Variants in NLRP9 observed in about 807,000 individuals in gnomAD.
The protein encoded by NLRP9 is NACHT, LRR and PYD domains-containing protein 9.
NLRP9 carries 88 observed loss-of-function variants against 83.1 expected under a neutral mutation model. The observed-to-expected ratio is 1.06, with a 90% CI of 0.89 to 1.26. The LOEUF is 1.26. Among genes scored for constraint, NLRP9 ranks in the 50% most tolerant of loss-of-function variants. NLRP9 has a pLI of 0.00. For missense variants in NLRP9, 1,308 were observed against 1,179.3 expected (o/e 1.11, Z -1.60); for synonymous variants, 521 against 447.6 (o/e 1.16, Z -2.07).
At chr19:55,717,547 G>T (rs1157243496) in intron 4 of NLRP9, among the ~76,000 whole-genome samples, 1 of 152,142 alleles carries the variant, frequency 6.6e-6, no homozygotes, top group East Asian at 1.9e-4. Flanking sequence ...TAGTGAACAG[G>T]ACAGACCCTG....
chr19:55,714,676 A>G (rs1987938170), intron 6 of NLRP9, among the ~76,000 whole-genome samples: 1 of 152,042 alleles, frequency 6.6e-6, no homozygotes. Context: ...CGGGTCCCTT[A>G]TAGACAACAG....
chr19:55,712,462 CA>C lies in NLRP9; in HGVS notation c.2629del (p.Cys877ValfsTer11), dbSNP rs781777586. 1 of 1,612,858 alleles carries C rather than the reference CA, an allele frequency of 6.2e-7. No individual in the cohort carries two copies. The highest frequency in any genetic ancestry group is 8.5e-7 in the Non-Finnish European group (1 of 1,179,854). The part of the protein sequence containing the change: ...EIGDTGVRQL[C>X]AALQHPHCKL... Reference sequence around the variant, plus strand: ...ACAGTGAGGATGCTGCAAAGCTGCACATAACTGTCTGACACCAGTGTCTCCT... The same window carrying C: ...ACAGTGAGGATGCTGCAAAGCTGCACTAACTGTCTGACACCAGTGTCTCCT... On this transcript the variant is annotated frameshift_variant, in exon 7 of 9. Coordinates refer to ENST00000332836, the MANE Select transcript of NLRP9 (RefSeq NM_176820.4). LOFTEE classifies it high-confidence loss of function.
rs1422725578 is a variant in NLRP9 at position 55,732,381 on chromosome 19, G to A, written c.1450C>T (p.Pro484Ser). Residue 484 changes from proline to serine, a missense_variant, in exon 2 of 9, where the codon CCT becomes TCT. By Grantham distance (74) the Pro-to-Ser change is moderately conservative (BLOSUM62 -1). Coordinates refer to ENST00000332836, the MANE Select transcript of NLRP9 (RefSeq NM_176820.4). Reference protein sequence around the residue: ...TQLVRASVVQPQTLLTQVGIF... With the variant: ...TQLVRASVVQSQTLLTQVGIF... ...CCCACCTGGGTCAAGAGGGTTTGAG[G>A]CTGAACCACACTTGCTCTTACAAGC... is the stretch of plus-strand genomic sequence containing the variant. 1.2e-6 allele frequency: 2 copies of A among 1,614,220 alleles called. No individual in the cohort carries two copies. Among genetic ancestry groups the A allele is most frequent in the Non-Finnish European group, 1.7e-6 (2 of 1,180,038 alleles).
intron 2 of NLRP9, among the ~76,000 whole-genome samples, chr19:55,731,723 CAAAA>C (rs56358571): frequency 3.3e-4 from 36 of 108,844 alleles, no homozygotes; most frequent in Admixed American, 2.6e-3. Context: ...GACTCCGTCT[CAAAA>C]AAAAAAAAAA....
chr19:55,722,808 T>A (rs1470256659), intron 4 of NLRP9, among the ~76,000 whole-genome samples: 1 of 152,044 alleles, frequency 6.6e-6, no homozygotes, highest in Non-Finnish European at 1.5e-5. Context: ...CATGGAATAC[T>A]ATGCAGCCAT....
At chr19:55,730,647 G>A (rs949818629) in intron 2 of NLRP9, among the ~76,000 whole-genome samples, 19 of 152,102 alleles carry the variant, frequency 1.2e-4, no homozygotes, top group Admixed American at 6.6e-5. Flanking sequence ...CTTAGCAAAC[G>A]AATGCAGGGA....
intron 8 of NLRP9, among the ~76,000 whole-genome samples, chr19:55,710,357 A>G (rs1987661588): frequency 6.6e-6 from 1 of 152,056 alleles, no homozygotes; most frequent in African/African-American, 2.4e-5. Flanking sequence ...CCTGCAGGGT[A>G]CAAGGCCTGG....
chr19:55,712,462 C>G lies in NLRP9; in HGVS notation c.2630G>C (p.Cys877Ser), dbSNP rs759562970. ...EIGDTGVRQL[C>S]AALQHPHCKL... Reference sequence around the variant, plus strand: ...ACAGTGAGGATGCTGCAAAGCTGCACATAACTGTCTGACACCAGTGTCTCC... The same window carrying G: ...ACAGTGAGGATGCTGCAAAGCTGCAGATAACTGTCTGACACCAGTGTCTCC... Residue 877 changes from cysteine to serine, a missense_variant, in exon 7 of 9, where the codon TGT becomes TCT. Transcript: ENST00000332836. 1.2e-6 allele frequency: 2 copies of G among 1,612,858 alleles called. No homozygotes were observed. The highest frequency in any genetic ancestry group is 1.7e-6 in the Non-Finnish European group (2 of 1,179,854).
At chr19:55,714,533 T>C (rs778244818) in intron 6 of NLRP9, among the ~76,000 whole-genome samples, 3 of 151,828 alleles carry the variant, frequency 2.0e-5, no homozygotes, top group Non-Finnish European at 2.9e-5. Flanking sequence ...TTACAACTCC[T>C]TCCCACTGAA....
chr19:55,733,109 G>A lies in NLRP9; in HGVS notation c.722C>T (p.Ala241Val), dbSNP rs1287499638. ...EQLKFNLQLK[A>V]DLSDDWRQRQ... ...CTGCCTCCAATCATCGCTCAAGTCA[G>A]CCTTAAGTTGTAAGTTAAACTTCAG... is the stretch of plus-strand genomic sequence containing the variant. The change falls in exon 2 of 9, where the codon GCT becomes GTT. Residue 241 changes from alanine to valine, a missense_variant. Ala to Val is a moderately conservative substitution (Grantham distance 64). Coordinates refer to ENST00000332836, the MANE Select transcript of NLRP9 (RefSeq NM_176820.4). 1 of 1,614,134 alleles carries A rather than the reference G, an allele frequency of 6.2e-7. No individual in the cohort carries two copies. Among genetic ancestry groups the A allele is most frequent in the Non-Finnish European group, 8.5e-7 (1 of 1,180,014 alleles).
intron 3 of NLRP9, among the ~76,000 whole-genome samples, chr19:55,729,073 T>A (rs1241939228): frequency 4.4e-5 from 5 of 112,752 alleles, no homozygotes; most frequent in Admixed American, 1.0e-4. Context: ...TTTTTTTTTT[T>A]ACAAATTTAA....
At chr19:55,725,520 G>A (rs1988372940) in intron 3 of NLRP9, among the ~76,000 whole-genome samples, 1 of 152,206 alleles carries the variant, frequency 6.6e-6, no homozygotes. Context: ...ACACAGATAA[G>A]GGCAGATCAC....
At chr19:55,733,684 C>T in intron 1 of NLRP9, 134 bp from the exon 2 acceptor site, 1 of 609,422 alleles carries the variant, frequency 1.6e-6, no homozygotes, top group South Asian at 2.1e-5. Context: ...AAAATTTAAC[C>T]TGAGAGACTG....
chr19:55,711,243 TAA>T, intron 8 of NLRP9: 1 of 470,380 alleles, frequency 2.1e-6, no homozygotes. Context: ...ATTTGTTTTT[TAA>T]AAAATAAAAA....
Position 55,732,645 on chromosome 19 carries a change from A to C in NLRP9, c.1186T>G (p.Cys396Gly). ...KVNRARLKSL[C>G]ALAAEGIWTY... ...CAAATTCCCTCTGCAGCCAAAGCACACAGGCTTTTTAGTCGGGCTCTGTTC... is the reference window on the plus strand; with the variant it reads ...CAAATTCCCTCTGCAGCCAAAGCACCCAGGCTTTTTAGTCGGGCTCTGTTC... The change falls in exon 2 of 9, where the codon TGT becomes GGT. Residue 396 changes from cysteine (C) to glycine (G), a missense_variant. By Grantham distance (159) the Cys-to-Gly change is radical (BLOSUM62 -3). Coordinates refer to ENST00000332836, the MANE Select transcript of NLRP9 (RefSeq NM_176820.4). The C allele has an allele frequency of 6.2e-7, 1 of 1,614,200 alleles. No individual in the cohort carries two copies. The highest frequency in any genetic ancestry group is 8.5e-7 in the Non-Finnish European group (1 of 1,180,030).
Position 55,738,277 on chromosome 19 carries a change from G to A in NLRP9, c.98C>T (p.Pro33Leu), listed in dbSNP as rs781782653. The A allele has an allele frequency of 6.2e-7, 1 of 1,614,092 alleles. No individual in the cohort carries two copies. Among genetic ancestry groups the A allele is most frequent in the South Asian group, 1.1e-5 (1 of 91,078 alleles). ...FWKFKELLKQ[P>L]LEKFELKPIP... Reference sequence around the variant, plus strand: ...TGGCTTGAGTTCAAATTTCTCCAAAGGTTGTTTGAGGAGCTCCTTAAATTT... The same window carrying A: ...TGGCTTGAGTTCAAATTTCTCCAAAAGTTGTTTGAGGAGCTCCTTAAATTT... Residue 33 changes from proline (P) to leucine (L), a missense_variant, in exon 1 of 9, where the codon CCT (proline) becomes CTT (leucine). Physicochemically the swap from Pro to Leu is moderately conservative, Grantham distance 98. Coordinates refer to ENST00000332836, the MANE Select transcript of NLRP9 (RefSeq NM_176820.4).
chr19:55,729,639 T>C (rs1018186091), intron 3 of NLRP9, among the ~76,000 whole-genome samples, 192 bp downstream of exon 3: 1 of 152,216 alleles, frequency 6.6e-6, no homozygotes. Context: ...CTATCATTGA[T>C]GGACATTTGG....
intron 4 of NLRP9, among the ~76,000 whole-genome samples, chr19:55,717,126 C>T (rs11672847): frequency 1.7e-4 from 26 of 151,536 alleles, no homozygotes; most frequent in African/African-American, 4.6e-4. Flanking sequence ...CTCCACCTCC[C>T]GGGTTCAAAT....
chr19:55,733,063 G>A lies in NLRP9; in HGVS notation c.768C>T (p.Ile256=). The change falls in exon 2 of 9, where the codon ATC becomes ATT. Residue 256 remains isoleucine (I), a synonymous_variant. Coordinates refer to ENST00000332836, the MANE Select transcript of NLRP9 (RefSeq NM_176820.4). ...DWRQRQPMPI[I]LSSLLQKKML... is the part of the protein sequence containing the mutation. ...TCTTTTTTTGCAACAAACTGCTCAG[G>A]ATAATTGGCATTGGCTGCCGCTGCC... 6.2e-7 allele frequency: 1 copy of A among 1,613,984 alleles called. No individual in the cohort carries two copies. The highest frequency in any genetic ancestry group is 8.5e-7 in the Non-Finnish European group (1 of 1,179,962).
Sources: gnomAD v4.1 joint callset for allele counts (sites outside exome capture counted in the v4.1 genomes callset) on GRCh38, gnomAD v4.1.1 for gene constraint, MANE v1.5 for transcripts, NCBI Gene and HGNC (gene_info 2026-07-23, HGNC 2026-07-21) for gene names.